The following ADAMTSL3 variants were observed in gnomAD, a reference collection of about 807,000 sequenced individuals.
ADAMTSL3 encodes ADAMTS-like protein 3.
ADAMTSL3 carries 128 observed loss-of-function variants against 201.7 expected under a neutral mutation model. The observed-to-expected ratio is 0.63, with a 90% CI of 0.55 to 0.73. ADAMTSL3 has a LOEUF of 0.73. ADAMTSL3 is among the 30% of genes least tolerant of loss of function. ADAMTSL3 has a pLI of 0.00. For synonymous variants in ADAMTSL3, 738 were observed against 748.4 expected, an observed-to-expected ratio of 0.99 and a Z score of 0.23; for missense variants, 1,990 against 2,119.6, an observed-to-expected ratio of 0.94 and a Z score of 1.20.
chr15:83,740,144 C>A, intron 3 of ADAMTSL3: 1 of 270,262 alleles, frequency 3.7e-6, no homozygotes, highest in Non-Finnish European at 7.9e-6. Context: ...TCGTCTTGGA[C>A]TAAATTTGCA....
chr15:83,975,896 C>A (rs1265968947), intron 20 of ADAMTSL3, among the ~76,000 whole-genome samples: 1 of 152,104 alleles, frequency 6.6e-6, no homozygotes, highest in African/African-American at 2.4e-5. Flanking sequence ...GTGACTTGGT[C>A]AGGTTTTATT....
intron 4 of ADAMTSL3, among the ~76,000 whole-genome samples, chr15:83,783,470 G>A (rs6602990): frequency 0.78 from 118,936 of 152,040 alleles, 47,472 homozygotes; most frequent in East Asian, 0.98. Flanking sequence ...AGATTGTTAG[G>A]CTATAAAACA....
intron 2 of ADAMTSL3, among the ~76,000 whole-genome samples, chr15:83,685,374 G>T (rs987084430): frequency 5.9e-5 from 9 of 152,050 alleles, no homozygotes; most frequent in Admixed American, 5.2e-4. Flanking sequence ...AGGGCTTTTG[G>T]TCTCTTTTGT....
chr15:83,801,651 A>AATATAT (rs68098545), intron 4 of ADAMTSL3, among the ~76,000 whole-genome samples: 1,084 of 30,452 alleles, frequency 0.036, 106 homozygotes, highest in Non-Finnish European at 0.048. Flanking sequence ...TATAAATATA[A>AATATAT]ATATATATAT....
intron 23 of ADAMTSL3, among the ~76,000 whole-genome samples, chr15:84,003,904 C>T (rs1009769993): frequency 6.6e-6 from 1 of 152,134 alleles, no homozygotes; most frequent in African/African-American, 2.4e-5. Context: ...GACCGAGAGG[C>T]CCACAGCACC....
At chr15:83,687,563 C>T (rs898119498) in intron 2 of ADAMTSL3, among the ~76,000 whole-genome samples, 5 of 152,156 alleles carry the variant, frequency 3.3e-5, no homozygotes, top group Admixed American at 6.5e-5. Context: ...CTAGCTGTTA[C>T]ATCCTCTGTC....
At chr15:83,845,023 T>G (rs746499843) in intron 7 of ADAMTSL3, among the ~76,000 whole-genome samples, 7 of 152,206 alleles carry the variant, frequency 4.6e-5, no homozygotes, top group Non-Finnish European at 1.0e-4. Context: ...TTCCAGAATG[T>G]CAGGTGCCCA....
At chr15:83,860,113 A>C (rs2064824072) in intron 8 of ADAMTSL3, among the ~76,000 whole-genome samples, 1 of 152,214 alleles carries the variant, frequency 6.6e-6, no homozygotes, top group African/African-American at 2.4e-5. Flanking sequence ...CATGTAGTCC[A>C]TGCTACTCCT....
At chr15:83,905,719 A>G (rs2065818989) in intron 15 of ADAMTSL3, among the ~76,000 whole-genome samples, 1 of 152,170 alleles carries the variant, frequency 6.6e-6, no homozygotes, top group Non-Finnish European at 1.5e-5. Context: ...CAAATTGCAC[A>G]TCTCTAATTG....
chr15:83,980,366 A>C (rs1269408716), intron 20 of ADAMTSL3, among the ~76,000 whole-genome samples: 1 of 152,090 alleles, frequency 6.6e-6, no homozygotes, highest in African/African-American at 2.4e-5. Flanking sequence ...TGCTGTGAAG[A>C]TTTAGTATTT....
intron 4 of ADAMTSL3, among the ~76,000 whole-genome samples, chr15:83,786,883 G>C (rs914478434): frequency 1.3e-5 from 2 of 152,100 alleles, no homozygotes; most frequent in African/African-American, 4.8e-5. Context: ...TACTAAAATT[G>C]TTGGCAAATT....
At chr15:83,899,048 T>G (rs973736922) in intron 14 of ADAMTSL3, among the ~76,000 whole-genome samples, 1 of 152,180 alleles carries the variant, frequency 6.6e-6, no homozygotes, top group Non-Finnish European at 1.5e-5. Context: ...AAAGTTATTT[T>G]TATTTCTCAC....
chr15:83,778,756 C>T (rs150728250), intron 4 of ADAMTSL3, among the ~76,000 whole-genome samples: 14 of 152,264 alleles, frequency 9.2e-5, no homozygotes, highest in East Asian at 1.9e-4. Flanking sequence ...GGATCAAATC[C>T]GTACATATCA....
chr15:83,870,448 A>G (rs185128329), intron 8 of ADAMTSL3, among the ~76,000 whole-genome samples: 184 of 152,354 alleles, frequency 1.2e-3, no homozygotes, highest in Middle Eastern at 3.4e-3. Context: ...AAGAGTAGGC[A>G]TAAGATCTTT....
chr15:83,872,228 A>T (rs1451828025), intron 9 of ADAMTSL3, among the ~76,000 whole-genome samples: 2 of 151,874 alleles, frequency 1.3e-5, no homozygotes, highest in Non-Finnish European at 2.9e-5. Context: ...CTTGCATTTT[A>T]CAATAGCAAT....
At chr15:83,791,200 C>A (rs1214574582) in intron 4 of ADAMTSL3, among the ~76,000 whole-genome samples, 1 of 152,182 alleles carries the variant, frequency 6.6e-6, no homozygotes, top group Non-Finnish European at 1.5e-5. Flanking sequence ...CTGTCAAAAT[C>A]TGTCACATTC....
At chr15:83,801,824 C>T (rs1567154356) in intron 4 of ADAMTSL3, among the ~76,000 whole-genome samples, 1 of 150,128 alleles carries the variant, frequency 6.7e-6, no homozygotes, top group Non-Finnish European at 1.5e-5. Flanking sequence ...TGAAAATAAT[C>T]AGCAGCATTG....
chr15:83,998,318 G>A (rs1255766555), intron 23 of ADAMTSL3, among the ~76,000 whole-genome samples: 1 of 152,082 alleles, frequency 6.6e-6, no homozygotes, highest in East Asian at 1.9e-4. Flanking sequence ...GCATAGTGGT[G>A]CATGCCTGTA....
At chr15:83,985,398 A>G (rs570689165) in intron 21 of ADAMTSL3, among the ~76,000 whole-genome samples, 3 of 152,214 alleles carry the variant, frequency 2.0e-5, no homozygotes, top group African/African-American at 4.8e-5. Context: ...ATATATATAT[A>G]TCTACCAAAT....
Sources: gnomAD v4.1 joint callset for allele counts (sites outside exome capture counted in the v4.1 genomes callset) on GRCh38, gnomAD v4.1.1 for gene constraint, MANE v1.5 for transcripts, NCBI Gene and HGNC (gene_info 2026-07-23, HGNC 2026-07-21) for gene names.